UMAD1: variants seen among roughly 807,000 people sequenced by gnomAD.
UMAD1 encodes UBAP1-MVB12-associated (UMA)-domain containing protein 1.
Under a neutral mutation model 6.1 loss-of-function variants are expected in UMAD1, and 8 were observed. That is an observed-to-expected ratio of 1.30 (90% confidence interval 0.76 to 2.35). The LOEUF is 2.35. Among genes scored for constraint, UMAD1 ranks in the 30% most tolerant of loss-of-function variants. The pLI is 0.00. For synonymous variants in UMAD1, 56 were observed against 31.4 expected, an observed-to-expected ratio of 1.78 and a Z score of -2.61; for missense variants, 130 against 78.4, an observed-to-expected ratio of 1.66 and a Z score of -2.49.
chr7:7,862,622 G>C (rs1784135626), intron 3 of UMAD1, among the ~76,000 whole-genome samples: 1 of 152,158 alleles, frequency 6.6e-6, no homozygotes, highest in Non-Finnish European at 1.5e-5. Context: ...CCTTGGTTGT[G>C]GTTAGATGCT....
rs77704908 is a variant in UMAD1 at position 7,793,147 on chromosome 7, C to G, written c.83-8523C>G. Among the ~76,000 whole-genome samples, 191 of 152,334 alleles carry G rather than the reference C, an allele frequency of 1.3e-3. 5 individuals are homozygous for G. In the East Asian group the frequency reaches 0.036, roughly 29 times the overall value. ...CGAAACCAAGACCTTACCCCGGCTT[C>G]CCATCCTTCTCTGCAATTAGTGTCT... On this transcript the variant is annotated intron_variant, in intron 2 of 3. Transcript: ENST00000682710.
intron 2 of UMAD1, among the ~76,000 whole-genome samples, chr7:7,734,916 C>A (rs534525317): frequency 1.3e-5 from 2 of 151,974 alleles, no homozygotes; most frequent in East Asian, 3.9e-4. Context: ...GACTACTATA[C>A]CAAAAAGCAG....
At chr7:7,785,951 A>G (rs1782453622) in intron 2 of UMAD1, among the ~76,000 whole-genome samples, 2 of 152,226 alleles carry the variant, frequency 1.3e-5, no homozygotes, top group African/African-American at 4.8e-5. Context: ...TATTCTAATC[A>G]TCCTAACTAC....
chr7:7,807,159 T>G (rs1364938134), intron 3 of UMAD1, among the ~76,000 whole-genome samples: 1 of 152,128 alleles, frequency 6.6e-6, no homozygotes, highest in Non-Finnish European at 1.5e-5. Context: ...TGAAATAAAA[T>G]AAGTTCCTTA....
chr7:7,725,574 A>G (rs1273555740), intron 2 of UMAD1, among the ~76,000 whole-genome samples: 8 of 152,192 alleles, frequency 5.3e-5, no homozygotes, highest in Admixed American at 3.9e-4. Flanking sequence ...ACGTTTGACT[A>G]TGGATCATCA....
Position 7,750,106 on chromosome 7 carries a change from A to C in UMAD1, c.83-51564A>C, listed in dbSNP as rs574577687. 2.0e-5 allele frequency among the ~76,000 whole-genome samples: 3 copies of C among 152,326 alleles called. No homozygotes were observed. In the South Asian group the frequency reaches 6.2e-4, roughly 32 times the overall value. On this transcript the variant is annotated intron_variant, in intron 2 of 3. Coordinates refer to ENST00000682710, the MANE Select transcript of UMAD1 (RefSeq NM_001302348.2). The stretch of plus-strand genomic sequence containing the variant: ...GCAAAATAGAATTATGGTCAATTGC[A>C]ATTATAATAACTTCTATGCATTAAG...
intron 1 of UMAD1, among the ~76,000 whole-genome samples, chr7:7,654,683 A>G (rs1026455841): frequency 6.6e-6 from 1 of 152,148 alleles, no homozygotes. Context: ...TGGGCTGATC[A>G]CTTGAGGCTA....
chr7:7,845,351 A>G (rs912385154), intron 3 of UMAD1, among the ~76,000 whole-genome samples: 2 of 152,166 alleles, frequency 1.3e-5, no homozygotes, highest in South Asian at 2.1e-4. Flanking sequence ...AAGCTGCTCT[A>G]TAGGGATCAA....
At chr7:7,826,514 T>C (rs1459905536) in intron 3 of UMAD1, among the ~76,000 whole-genome samples, 1 of 152,150 alleles carries the variant, frequency 6.6e-6, no homozygotes, top group African/African-American at 2.4e-5. Context: ...TTCCCACCAT[T>C]TGTTATTTCT....
chr7:7,689,856 A>G lies in UMAD1; in HGVS notation c.82+16403A>G, dbSNP rs985996268. ...TATTGCTGGTACCAAGGGAGACCAT[A>G]TTACTGCTACAAAGCAGCTAGTGAT... is the stretch of plus-strand genomic sequence containing the variant. On this transcript the variant is annotated intron_variant, in intron 2 of 3. Transcript: ENST00000682710. Among the ~76,000 whole-genome samples the G allele has an allele frequency of 2.0e-5, 3 of 152,210 alleles. No homozygotes were observed. In the East Asian group the frequency reaches 5.8e-4, roughly 29 times the overall value.
intron 2 of UMAD1, among the ~76,000 whole-genome samples, chr7:7,726,978 G>A (rs1374321451): frequency 6.6e-6 from 1 of 152,222 alleles, no homozygotes; most frequent in Non-Finnish European, 1.5e-5. Context: ...GTTCAGGTCA[G>A]CGGGAAACTA....
intron 3 of UMAD1, among the ~76,000 whole-genome samples, chr7:7,840,827 AG>A (rs1364425666): frequency 2.0e-4 from 31 of 152,330 alleles, no homozygotes; most frequent in African/African-American, 7.5e-4. Flanking sequence ...TTGGCAAAAA[AG>A]CTAGAAGTTA....
At chr7:7,866,932 C>T (rs1477817347) in intron 3 of UMAD1, among the ~76,000 whole-genome samples, 4 of 152,022 alleles carry the variant, frequency 2.6e-5, no homozygotes, top group African/African-American at 9.7e-5. Context: ...AAGAGAATGA[C>T]ATGAACCTGA....
intron 3 of UMAD1, among the ~76,000 whole-genome samples, chr7:7,821,958 CTTA>C (rs1162609665): frequency 6.6e-6 from 1 of 152,008 alleles, no homozygotes; most frequent in Admixed American, 6.6e-5. Context: ...TAATCTATCA[CTTA>C]TTATATTATT....
chr7:7,851,489 T>C (rs56088844), intron 3 of UMAD1, among the ~76,000 whole-genome samples: 39,103 of 151,892 alleles, frequency 0.26, 6,491 homozygotes, highest in Non-Finnish European at 0.36. Flanking sequence ...GAACATTTTC[T>C]GAAGTAGCTG....
chr7:7,780,927 C>T (rs1197923849), intron 2 of UMAD1, among the ~76,000 whole-genome samples: 1 of 152,118 alleles, frequency 6.6e-6, no homozygotes, highest in Non-Finnish European at 1.5e-5. Flanking sequence ...AATTACCCAT[C>T]ATTTTTGCCA....
chr7:7,812,269 G>A (rs1239394874), intron 3 of UMAD1, among the ~76,000 whole-genome samples: 1 of 152,172 alleles, frequency 6.6e-6, no homozygotes, highest in East Asian at 1.9e-4. Context: ...AGCCAGTAAT[G>A]TGAGTTTTAT....
intron 2 of UMAD1, among the ~76,000 whole-genome samples, chr7:7,741,291 G>A (rs1471772345): frequency 6.6e-6 from 1 of 151,796 alleles, no homozygotes; most frequent in Non-Finnish European, 1.5e-5. Flanking sequence ...AAAGACTGTG[G>A]CCTGGCGCGG....
intron 2 of UMAD1, among the ~76,000 whole-genome samples, chr7:7,781,111 C>G (rs1031377807): frequency 6.6e-6 from 1 of 152,122 alleles, no homozygotes; most frequent in Admixed American, 6.5e-5. Context: ...AAGCTTATAC[C>G]TGTTTACTTT....
Sources: allele counts gnomAD v4.1 joint callset (sites outside exome capture counted in the v4.1 genomes callset), GRCh38; gene constraint gnomAD v4.1.1; transcripts MANE v1.5; gene names NCBI Gene and HGNC (gene_info 2026-07-23, HGNC 2026-07-21).